Variants in N4BP1 observed in about 807,000 individuals in gnomAD.
The protein encoded by N4BP1 is NEDD4 binding protein 1.
A neutral mutation model predicts 70.9 loss-of-function variants in N4BP1; 21 were observed. The ratio of observed to expected loss-of-function variants is 0.30; its 90% CI spans 0.21 to 0.43. The LOEUF (loss-of-function observed/expected upper bound fraction) is 0.43, where lower values mean the gene tolerates loss of function less well. N4BP1 is among the 20% of genes least tolerant of loss of function. The pLI, the probability that N4BP1 is intolerant of heterozygous loss-of-function variation, is 1.00. For synonymous variants in N4BP1, 387 were observed against 394.6 expected (o/e 0.98, Z 0.23); for missense variants, 936 against 1,069.4 (o/e 0.88, Z 1.74).
intron 1 of N4BP1, among the ~76,000 whole-genome samples, chr16:48,580,544 A>C (rs1964161204): frequency 6.6e-6 from 1 of 152,194 alleles, no homozygotes; most frequent in Admixed American, 6.5e-5. Flanking sequence ...TCTTCCAAAA[A>C]ACTGAAGAGG....
intron 6 of N4BP1, among the ~76,000 whole-genome samples, chr16:48,544,464 C>T (rs967083661): frequency 6.6e-6 from 1 of 152,146 alleles, no homozygotes; most frequent in African/African-American, 2.4e-5. Flanking sequence ...CATCACACCC[C>T]CATGCAAATA....
At chr16:48,596,249 C>CA (rs1170638900) in intron 1 of N4BP1, among the ~76,000 whole-genome samples, 2 of 152,072 alleles carry the variant, frequency 1.3e-5, no homozygotes, top group Non-Finnish European at 2.9e-5. Flanking sequence ...CACAATGCCC[C>CA]AAATTAATGC....
In N4BP1 at chr16:48,610,047, C is replaced by A; in HGVS notation, c.-75G>T. On this transcript the variant is annotated 5_prime_UTR_variant, in exon 1 of 7. Transcript: ENST00000262384. ...CCCCTCAGCTTGCTGCCGCTGCTCC[C>A]AAGCCAGTCAGGCGGCGTCGGCCCT... 1 of 898,640 alleles carries A rather than the reference C, an allele frequency of 1.1e-6. No homozygotes were observed. Among genetic ancestry groups the A allele is most frequent in the Non-Finnish European group, 1.4e-6 (1 of 738,034 alleles). The allele number at this position is 898,640 out of a possible 1,614,324, so 55.7% of individuals were successfully genotyped here. A position where few individuals can be genotyped will look rare whatever the true frequency, so the allele number is the denominator to read the frequency against.
At position 48,586,346 on chromosome 16, in the gene N4BP1, C is replaced by T. The variant is rs545347030; in HGVS notation, c.198+23429G>A. Among the ~76,000 whole-genome samples, 4 of 152,326 alleles carry T rather than the reference C, an allele frequency of 2.6e-5. No individual in the cohort carries two copies. In the South Asian group the frequency reaches 8.3e-4, roughly 32 times the overall value. ...TATATAATTTTACCACATACATACA[C>T]ATGCTCTTTTTAATATAACCACAAT... is the stretch of plus-strand genomic sequence containing the variant. On this transcript the variant is annotated intron_variant, in intron 1 of 6. Transcript: ENST00000262384.
intron 1 of N4BP1, among the ~76,000 whole-genome samples, chr16:48,599,310 GTCAGAATTC>G: frequency 6.6e-6 from 1 of 152,142 alleles, no homozygotes; most frequent in South Asian, 2.1e-4. Context: ...TAAACCCTAT[GTCAGAATTC>G]CTAAGGAGCT....
At chr16:48,598,829 G>A (rs1456928002) in intron 1 of N4BP1, among the ~76,000 whole-genome samples, 1 of 152,080 alleles carries the variant, frequency 6.6e-6, no homozygotes, top group Non-Finnish European at 1.5e-5. Flanking sequence ...TGATATAGGA[G>A]TCCTATGATC....
At chr16:48,544,348 T>C (rs1963559475) in intron 6 of N4BP1, among the ~76,000 whole-genome samples, 1 of 152,192 alleles carries the variant, frequency 6.6e-6, no homozygotes, top group South Asian at 2.1e-4. Context: ...AATCCAAACC[T>C]ACAGCTCCCA....
intron 4 of N4BP1, among the ~76,000 whole-genome samples, chr16:48,549,887 A>G (rs1963641213): frequency 6.6e-6 from 1 of 152,222 alleles, no homozygotes; most frequent in South Asian, 2.1e-4. Flanking sequence ...ACAGGCGAAA[A>G]CACCAGGGTT....
In N4BP1 at chr16:48,540,225, G is replaced by A. The variant is rs1170429078; in HGVS notation, c.*2679C>T. 2.0e-5 allele frequency: 3 copies of A among 152,626 alleles called. No individual in the cohort carries two copies. Among genetic ancestry groups the A allele is most frequent in the Admixed American group, 6.5e-5 (1 of 15,288 alleles). 9.5% of individuals were successfully genotyped at this position (152,626 alleles called of 1,614,324 possible). On this transcript the variant is annotated 3_prime_UTR_variant, in exon 7 of 7. Coordinates refer to ENST00000262384, the MANE Select transcript of N4BP1 (RefSeq NM_153029.4). ...GGTGCGAGGAAAGGGGTTGGGGGAT[G>A]GTCCCACAGGCAGCCACACCTGAGG...
intron 1 of N4BP1, among the ~76,000 whole-genome samples, chr16:48,588,356 A>G (rs953192686): frequency 2.0e-5 from 3 of 148,668 alleles, no homozygotes; most frequent in African/African-American, 7.5e-5. Context: ...GTGCAATGGC[A>G]GGATCTTGGC....
At chr16:48,572,408 A>T (rs975324288) in intron 1 of N4BP1, among the ~76,000 whole-genome samples, 22 of 152,284 alleles carry the variant, frequency 1.4e-4, no homozygotes, top group African/African-American at 5.3e-4. Context: ...AATTATCAAA[A>T]GCAATTCTGG....
intron 1 of N4BP1, among the ~76,000 whole-genome samples, chr16:48,595,456 C>CAAAAAAAAAA (rs373163833): frequency 1.7e-4 from 10 of 57,484 alleles, no homozygotes; most frequent in Non-Finnish European, 2.3e-4. Flanking sequence ...GACTCTGTCT[C>CAAAAAAAAAA]AAAAAAAAAA....
rs1196427302 is a variant in N4BP1 at position 48,546,134 on chromosome 16, A to G, written c.2333+13T>C. The G allele has an allele frequency of 6.4e-7, 1 of 1,559,616 alleles. No individual in the cohort carries two copies. The highest frequency in any genetic ancestry group is 1.7e-4 in the Middle Eastern group (1 of 5,932). Reference sequence around the variant, plus strand: ...AGAAGTTTTAATACAAGACAATCTGAAAAAGGAAATACCTAAGACAGACTT... The same window carrying G: ...AGAAGTTTTAATACAAGACAATCTGGAAAAGGAAATACCTAAGACAGACTT... On this transcript the variant is annotated intron_variant, in intron 6 of 6. Coordinates refer to ENST00000262384, the MANE Select transcript of N4BP1 (RefSeq NM_153029.4).
intron 2 of N4BP1, among the ~76,000 whole-genome samples, chr16:48,557,088 G>A (rs985688874): frequency 2.0e-4 from 30 of 152,306 alleles, no homozygotes; most frequent in Middle Eastern, 3.4e-3. Flanking sequence ...ACAGGGTACT[G>A]TGGAGGTTTT....
intron 1 of N4BP1, among the ~76,000 whole-genome samples, chr16:48,567,154 C>T (rs1179262419): frequency 1.3e-5 from 2 of 152,132 alleles, no homozygotes; most frequent in Admixed American, 6.5e-5. Context: ...AATCCACTGA[C>T]GGTGCCTGTC....
intron 1 of N4BP1, among the ~76,000 whole-genome samples, chr16:48,567,146 T>C (rs1378875102): frequency 6.6e-6 from 1 of 152,238 alleles, no homozygotes; most frequent in African/African-American, 2.4e-5. Context: ...ATGTTTTTAA[T>C]CCACTGACGG....
chr16:48,569,967 A>C (rs1367705915), intron 1 of N4BP1, among the ~76,000 whole-genome samples: 1 of 152,074 alleles, frequency 6.6e-6, no homozygotes, highest in Non-Finnish European at 1.5e-5. Flanking sequence ...TGGGGCTTTT[A>C]ATTAACCCAC....
rs1963449046 is a variant in N4BP1, at chr16:48,539,106, G to C, written c.*3798C>G. 1 of 152,426 alleles carries C rather than the reference G, an allele frequency of 6.6e-6. No individual in the cohort carries two copies. Among genetic ancestry groups the C allele is most frequent in the Non-Finnish European group, 1.5e-5 (1 of 68,188 alleles). 9.4% of individuals were successfully genotyped at this position (152,426 alleles called of 1,614,324 possible). The stretch of plus-strand genomic sequence containing the variant: ...GCAGGGAGAGTTTGGGGACAGTCAA[G>C]TATGGCTGGGAGGTGGACAGCCACG... On this transcript the variant is annotated 3_prime_UTR_variant, in exon 7 of 7. Transcript: ENST00000262384.
intron 2 of N4BP1, among the ~76,000 whole-genome samples, chr16:48,559,154 C>G (rs1106386): frequency 6.6e-6 from 1 of 151,830 alleles, no homozygotes; most frequent in Admixed American, 6.6e-5. Flanking sequence ...TGATGAACCC[C>G]TGGGAATTCA....
Sources: gnomAD v4.1 joint callset for allele counts (sites outside exome capture counted in the v4.1 genomes callset) on GRCh38, gnomAD v4.1.1 for gene constraint, MANE v1.5 for transcripts, NCBI Gene and HGNC (gene_info 2026-07-23, HGNC 2026-07-21) for gene names.